NPEPPS: variants seen among roughly 807,000 people sequenced by gnomAD.
NPEPPS encodes the protein puromycin-sensitive aminopeptidase.
NPEPPS carries 14 observed loss-of-function variants against 115.5 expected under a neutral mutation model. The ratio of observed to expected loss-of-function variants is 0.12; its 90% CI spans 0.08 to 0.19. The LOEUF is 0.19. Ranked by LOEUF, NPEPPS falls within the 10% of genes least tolerant of loss-of-function variation. The pLI, the probability that NPEPPS is intolerant of heterozygous loss-of-function variation, is 1.00. For synonymous variants in NPEPPS, 285 were observed against 390.6 expected (o/e 0.73, Z 3.19); for missense variants, 523 against 1,110.8 (o/e 0.47, Z 7.52).
intron 12 of NPEPPS, among the ~76,000 whole-genome samples, chr17:47,593,829 T>C (rs1230891790): frequency 6.6e-6 from 1 of 152,196 alleles, no homozygotes; most frequent in African/African-American, 2.4e-5. Flanking sequence ...CCTGAACATT[T>C]CTAAATATAG....
chr17:47,620,054 G>C (rs1334577513), intron 22 of NPEPPS: 2 of 306,552 alleles, frequency 6.5e-6, no homozygotes, highest in East Asian at 1.5e-4. Context: ...GCAACATGGT[G>C]AAACCCCAAA....
At chr17:47,550,499 G>A (rs1420472368) in intron 2 of NPEPPS, among the ~76,000 whole-genome samples, 1 of 148,700 alleles carries the variant, frequency 6.7e-6, no homozygotes, top group Non-Finnish European at 1.5e-5. Context: ...TTGGATATTA[G>A]TTATGTACCC....
intron 14 of NPEPPS, 148 bp from the exon 15 acceptor site, chr17:47,601,460 G>T: frequency 1.3e-6 from 1 of 776,958 alleles, no homozygotes; most frequent in Non-Finnish European, 2.1e-6. Flanking sequence ...TACTATTCAG[G>T]TTATCTGGAA....
At chr17:47,538,621 C>T (rs1908518600) in intron 1 of NPEPPS, among the ~76,000 whole-genome samples, 1 of 151,162 alleles carries the variant, frequency 6.6e-6, no homozygotes, top group East Asian at 1.9e-4. Flanking sequence ...CCTCCGCCTC[C>T]CGGGTTTAAG....
chr17:47,528,761 A>G (rs57453618), upstream of NPEPPS, among the ~76,000 whole-genome samples: 8,012 of 151,812 alleles, frequency 0.053, 383 homozygotes, highest in East Asian at 0.11. Flanking sequence ...CCTCCAGAGT[A>G]GCTGGCTAGG....
chr17:47,546,922 A>G (rs1029508371), intron 2 of NPEPPS, among the ~76,000 whole-genome samples: 1 of 152,202 alleles, frequency 6.6e-6, no homozygotes, highest in Non-Finnish European at 1.5e-5. Context: ...AATGAATATA[A>G]TATGCATAAT....
chr17:47,613,135 T>C (rs1346940841), intron 18 of NPEPPS, among the ~76,000 whole-genome samples: 1 of 152,138 alleles, frequency 6.6e-6, no homozygotes, highest in Non-Finnish European at 1.5e-5. Flanking sequence ...TGATTAGCTG[T>C]GCACATTCCC....
intron 17 of NPEPPS, among the ~76,000 whole-genome samples, chr17:47,608,086 C>T (rs986087084): frequency 6.6e-6 from 1 of 152,000 alleles, no homozygotes. Context: ...CAGAAATTCT[C>T]CTCCCTCAGC....
intron 19 of NPEPPS, 60 bp downstream of exon 19, chr17:47,613,785 A>T (rs79336981): frequency 0.018 from 22,526 of 1,257,758 alleles, 249 homozygotes; most frequent in Non-Finnish European, 0.022. Flanking sequence ...ACACACAGTA[A>T]ACCTCTAAAT....
intron 21 of NPEPPS, chr17:47,619,531 G>C: frequency 1.8e-6 from 1 of 561,146 alleles, no homozygotes; most frequent in South Asian, 2.1e-5. Context: ...TCCAGCCTGG[G>C]CAACAAGTGT....
intron 2 of NPEPPS, among the ~76,000 whole-genome samples, chr17:47,560,862 G>A (rs1232608071): frequency 6.6e-6 from 1 of 152,152 alleles, no homozygotes; most frequent in Non-Finnish European, 1.5e-5. Context: ...ATCTAGTACT[G>A]AGCTACACTG....
At chr17:47,548,939 G>A (rs1026582375) in intron 2 of NPEPPS, among the ~76,000 whole-genome samples, 4 of 152,116 alleles carry the variant, frequency 2.6e-5, no homozygotes, top group African/African-American at 9.7e-5. Context: ...TGTATCTCAC[G>A]GAAGCCCAGT....
chr17:47,605,663 C>T (rs1043166418), intron 17 of NPEPPS, 111 bp downstream of exon 17: 25 of 711,360 alleles, frequency 3.5e-5, no homozygotes, highest in Admixed American at 8.6e-5. Context: ...ACTATATATT[C>T]AGCAAGCCAG....
intron 2 of NPEPPS, among the ~76,000 whole-genome samples, chr17:47,566,498 G>A (rs1567849944): frequency 5.6e-5 from 8 of 143,240 alleles, no homozygotes. Flanking sequence ...ACAGCTGTAG[G>A]TTTTTTGTTT....
intron 15 of NPEPPS, among the ~76,000 whole-genome samples, chr17:47,602,836 A>G (rs1282129859): frequency 1.3e-5 from 2 of 152,056 alleles, no homozygotes; most frequent in Middle Eastern, 3.4e-3. Context: ...TATATTTAAA[A>G]TATACTCACT....
At chr17:47,542,836 TA>T (rs1423634156) in intron 1 of NPEPPS, among the ~76,000 whole-genome samples, 1 of 152,128 alleles carries the variant, frequency 6.6e-6, no homozygotes, top group African/African-American at 2.4e-5. Context: ...AGGTTATGAC[TA>T]AATTGAAAAA....
chr17:47,619,707 CACTT>C, intron 21 of NPEPPS, 26 bp from the exon 22 acceptor site: 1 of 1,595,212 alleles, frequency 6.3e-7, no homozygotes, highest in Non-Finnish European at 8.6e-7. Context: ...CTCTTGGTTT[CACTT>C]ACTGTTTAAA....
intron 2 of NPEPPS, among the ~76,000 whole-genome samples, chr17:47,560,195 A>G (rs893757728): frequency 3.9e-5 from 6 of 152,010 alleles, no homozygotes; most frequent in African/African-American, 1.4e-4. Flanking sequence ...ATACTCATCT[A>G]TTACCCAAAA....
intron 12 of NPEPPS, 98 bp downstream of exon 12, chr17:47,592,643 A>T (rs1312299875): frequency 6.5e-6 from 7 of 1,079,746 alleles, no homozygotes; most frequent in South Asian, 3.2e-5. Context: ...TAAGGTCAGG[A>T]TCCATGTAAT....
Sources: gnomAD v4.1 joint callset for allele counts (sites outside exome capture counted in the v4.1 genomes callset) on GRCh38, gnomAD v4.1.1 for gene constraint, MANE v1.5 for transcripts, NCBI Gene and HGNC (gene_info 2026-07-23, HGNC 2026-07-21) for gene names.